LIPJ: variants seen among roughly 807,000 people sequenced by gnomAD.
The protein encoded by LIPJ is lipase member J.
In LIPJ, 33 loss-of-function variants were observed where a neutral mutation model predicts 39.8. That is an observed-to-expected ratio of 0.83 (90% CI 0.63 to 1.11). LIPJ has a LOEUF of 1.11. LIPJ is among the 50% of genes least tolerant of loss of function. The probability of loss-of-function intolerance (pLI) is 0.00; values close to 1 mark genes in which losing one functional copy is unlikely to be tolerated. For missense variants in LIPJ, 422 were observed against 427.9 expected, an observed-to-expected ratio of 0.99 and a Z score of 0.12; for synonymous variants, 128 against 139.2, an observed-to-expected ratio of 0.92 and a Z score of 0.57.
At chr10:88,589,525 G>A (rs1465524937) in intron 2 of LIPJ, among the ~76,000 whole-genome samples, 2 of 151,844 alleles carry the variant, frequency 1.3e-5, no homozygotes, top group African/African-American at 4.8e-5. Flanking sequence ...GGAAAGAAGT[G>A]CAGCTTCTGT....
chr10:88,606,754 C>T, exon 11 of LIPJ: 3 of 1,613,462 alleles, frequency 1.9e-6, no homozygotes, highest in South Asian at 1.1e-5. Flanking sequence ...TGTTGGCTGA[C>T]CCTGAAGACG....
At chr10:88,591,528 C>T in intron 4 of LIPJ, 30 bp downstream of exon 4, 2 of 1,571,566 alleles carry the variant, frequency 1.3e-6, no homozygotes, top group Middle Eastern at 1.7e-4. Context: ...GGATTGGTGA[C>T]AATCTGGGGC....
upstream of LIPJ, among the ~76,000 whole-genome samples, chr10:88,586,297 T>G (rs1850916467): frequency 6.6e-6 from 1 of 152,168 alleles, no homozygotes; most frequent in African/African-American, 2.4e-5. Flanking sequence ...GGTTGACTAC[T>G]TGGCAGTAGT....
upstream of LIPJ, among the ~76,000 whole-genome samples, chr10:88,585,990 C>T (rs1330470330): frequency 6.6e-6 from 1 of 152,138 alleles, no homozygotes; most frequent in African/African-American, 2.4e-5. Flanking sequence ...CTTTCTTTTC[C>T]TTGAACACAT....
intron 8 of LIPJ, among the ~76,000 whole-genome samples, chr10:88,599,688 T>C (rs909311061): frequency 7.9e-5 from 12 of 150,960 alleles, no homozygotes; most frequent in Non-Finnish European, 1.5e-4. Flanking sequence ...CATACATATA[T>C]ACACACACAC....
chr10:88,610,636 C>T, downstream of LIPJ, among the ~76,000 whole-genome samples: 1 of 152,126 alleles, frequency 6.6e-6, no homozygotes, highest in East Asian at 1.9e-4. Context: ...AATTGCAAGA[C>T]TTACCACAAA....
intron 4 of LIPJ, chr10:88,591,723 C>T (rs1024926512): frequency 4.7e-5 from 14 of 295,918 alleles, no homozygotes; most frequent in Non-Finnish European, 7.5e-5. Context: ...TCCCAGGTTT[C>T]CTTTGTGGAT....
At chr10:88,618,244 A>G in the LIPJ span, 2 of 152,134 alleles carry the variant, frequency 1.3e-5, no homozygotes, top group African/African-American at 2.4e-5. Flanking sequence ...TAATAAGCCT[A>G]TTGATCTAGC....
the LIPJ span, among the ~76,000 whole-genome samples, chr10:88,622,969 G>C: frequency 6.6e-6 from 1 of 152,080 alleles, no homozygotes; most frequent in African/African-American, 2.4e-5. Context: ...TAAATATGTA[G>C]CTTTGATAAA....
At chr10:88,583,359 C>A (rs536090424), upstream of LIPJ, 3 of 1,399,444 alleles carry the variant, frequency 2.1e-6, no homozygotes, top group Admixed American at 3.1e-5. Context: ...GGAAAGGAGG[C>A]GGCCGGAGCT....
the LIPJ span, among the ~76,000 whole-genome samples, chr10:88,620,240 T>G: frequency 2.6e-5 from 4 of 152,032 alleles, no homozygotes; most frequent in African/African-American, 7.2e-5. Flanking sequence ...AATAATTAAA[T>G]GTAATGTGGA....
chr10:88,621,135 C>T, the LIPJ span, among the ~76,000 whole-genome samples: 801 of 152,146 alleles, frequency 5.3e-3, 6 homozygotes, highest in African/African-American at 0.018. Flanking sequence ...CAATTCATAG[C>T]GCCATATGAT....
intron 8 of LIPJ, among the ~76,000 whole-genome samples, chr10:88,599,639 G>GTGTA (rs1351546073): frequency 2.6e-5 from 4 of 151,340 alleles, no homozygotes; most frequent in African/African-American, 7.3e-5. Context: ...ATTCCACAGT[G>GTGTA]TGTATGTATG....
chr10:88,616,719 A>AG, the LIPJ span, among the ~76,000 whole-genome samples: 1 of 152,196 alleles, frequency 6.6e-6, no homozygotes, highest in African/African-American at 2.4e-5. Flanking sequence ...CCCCTGCCTC[A>AG]GGCTGAGGCT....
chr10:88,590,084 T>C (rs1179251590), intron 2 of LIPJ, among the ~76,000 whole-genome samples: 1 of 151,734 alleles, frequency 6.6e-6, no homozygotes, highest in Non-Finnish European at 1.5e-5. Flanking sequence ...TCTGCCTTCC[T>C]AGAATTTAGG....
At chr10:88,606,208 C>T (rs1164430547) in intron 10 of LIPJ, among the ~76,000 whole-genome samples, 1 of 152,150 alleles carries the variant, frequency 6.6e-6, no homozygotes, top group African/African-American at 2.4e-5. Flanking sequence ...TTCCTCCATA[C>T]TTTTCTGTCT....
chr10:88,615,647 AAAAAC>A, the LIPJ span, among the ~76,000 whole-genome samples: 6 of 150,804 alleles, frequency 4.0e-5, no homozygotes, highest in African/African-American at 1.5e-4. Context: ...AAAAAAAAAA[AAAAAC>A]AGAAAGAAAT....
At chr10:88,617,770 T>G in the LIPJ span, among the ~76,000 whole-genome samples, 1 of 152,148 alleles carries the variant, frequency 6.6e-6, no homozygotes, top group Non-Finnish European at 1.5e-5. Flanking sequence ...AAAGATAGTG[T>G]CAGAAAGGAG....
In LIPJ at chr10:88,602,556, T is replaced by C. The variant is rs755811405; in HGVS notation, c.724-20T>C. 1.4e-6 allele frequency: 2 copies of C among 1,454,858 alleles called. No individual in the cohort carries two copies. The highest frequency in any genetic ancestry group is 1.3e-5 in the South Asian group (1 of 78,170). 90.1% of individuals were successfully genotyped at this position (1,454,858 alleles called of 1,614,324 possible). A position where few individuals can be genotyped will look rare whatever the true frequency, so the allele number is the denominator to read the frequency against. ...TTCAACTTATATAAAAATGCTTTTT[T>C]TTTTTTTTTTACCCCTCAGAGTCGT... On this transcript the variant is annotated intron_variant, in intron 8 of 10. Transcript: ENST00000371939.
Sources: allele counts gnomAD v4.1 joint callset (sites outside exome capture counted in the v4.1 genomes callset), GRCh38; gene constraint gnomAD v4.1.1; transcripts MANE v1.5; gene names NCBI Gene and HGNC (gene_info 2026-07-23, HGNC 2026-07-21).